Variants in KIF18A observed in about 807,000 individuals in gnomAD.
KIF18A encodes kinesin family member 18A.
A neutral mutation model predicts 103.3 loss-of-function variants in KIF18A; 67 were observed. The observed-to-expected ratio is 0.65, with a 90% CI of 0.53 to 0.79. KIF18A has a LOEUF of 0.79. KIF18A is among the 30% of genes least tolerant of loss of function. The pLI is 0.00. For synonymous variants in KIF18A, 367 were observed against 355.5 expected, an observed-to-expected ratio of 1.03 and a Z score of -0.36; for missense variants, 1,032 against 1,062.5, an observed-to-expected ratio of 0.97 and a Z score of 0.40.
In KIF18A at chr11:28,083,050, G is replaced by A. The variant is rs1045929931; in HGVS notation, c.1150-82C>T. 2.8e-6 allele frequency: 4 copies of A among 1,449,856 alleles called. No homozygotes were observed. In the African/African-American group the frequency reaches 4.4e-5, roughly 16 times the overall value. 89.8% of individuals were successfully genotyped at this position (1,449,856 alleles called of 1,614,324 possible). ...CCAAATTTAGCTGTAAAAAATAACT[G>A]AATTAACCAGATTTTAATTTTAATA... is the stretch of plus-strand genomic sequence containing the variant. On this transcript the variant is annotated intron_variant, in intron 8 of 16. Coordinates refer to ENST00000263181, the MANE Select transcript of KIF18A (RefSeq NM_031217.4).
At chr11:28,056,111 AAT>A (rs2133521119) in intron 13 of KIF18A, among the ~76,000 whole-genome samples, 1 of 151,904 alleles carries the variant, frequency 6.6e-6, no homozygotes, top group East Asian at 1.9e-4. Context: ...TTGTTCAGGG[AAT>A]AATGACCAAA....
At position 28,036,536 on chromosome 11, in the gene KIF18A, T is replaced by A. The variant is rs759894610; in HGVS notation, c.2077A>T (p.Asn693Tyr). 6.2e-7 allele frequency: 1 copy of A among 1,611,278 alleles called. No individual in the cohort carries two copies. The change falls in exon 14 of 17, where the codon AAT (asparagine) becomes TAT (tyrosine). Residue 693 changes from asparagine (N) to tyrosine (Y), a missense_variant. By Grantham distance (143) the Asn-to-Tyr change is moderately radical. Transcript: ENST00000263181. Reference sequence around the variant, plus strand: ...TGAAGTTCTTTGCTAAGAGAATCATTGAGCTGCACACTTTGAGATGGTGGA... The same window carrying A: ...TGAAGTTCTTTGCTAAGAGAATCATAGAGCTGCACACTTTGAGATGGTGGA... ...KSPPSQSVQL[N>Y]DSLSKELQPI...
At chr11:28,081,023 C>T (rs1207305053) in intron 9 of KIF18A, among the ~76,000 whole-genome samples, 1 of 152,096 alleles carries the variant, frequency 6.6e-6, no homozygotes, top group East Asian at 1.9e-4. Flanking sequence ...CCAGAGCAAG[C>T]CTTCTAAATC....
chr11:28,036,135 C>T, intron 14 of KIF18A, 82 bp downstream of exon 14: 1 of 829,198 alleles, frequency 1.2e-6, no homozygotes, highest in Non-Finnish European at 1.8e-6. Flanking sequence ...AAATGGCACA[C>T]TTGGTTTATG....
intron 16 of KIF18A, among the ~76,000 whole-genome samples, chr11:28,022,922 G>A (rs1013738982): frequency 6.6e-6 from 1 of 152,122 alleles, no homozygotes; most frequent in Admixed American, 6.6e-5. Context: ...TAGCTTTCAT[G>A]TTATCCTTAG....
chr11:28,031,103 C>A (rs1384502308), intron 15 of KIF18A, among the ~76,000 whole-genome samples: 6 of 152,030 alleles, frequency 3.9e-5, no homozygotes, highest in African/African-American at 1.2e-4. Flanking sequence ...ACTAGTTCAA[C>A]CATTGTGGAA....
chr11:28,106,220 A>G (rs965907504), intron 1 of KIF18A, among the ~76,000 whole-genome samples: 1 of 152,214 alleles, frequency 6.6e-6, no homozygotes, highest in African/African-American at 2.4e-5. Flanking sequence ...GTACAAATCT[A>G]AAGTCCATGT....
At chr11:28,025,504 T>C (rs1441188179) in intron 15 of KIF18A, among the ~76,000 whole-genome samples, 1 of 152,050 alleles carries the variant, frequency 6.6e-6, no homozygotes, top group Non-Finnish European at 1.5e-5. Flanking sequence ...TCCAGGACCC[T>C]ACTTTTTACT....
chr11:28,032,284 C>T (rs1850421114), intron 15 of KIF18A, among the ~76,000 whole-genome samples: 1 of 151,772 alleles, frequency 6.6e-6, no homozygotes, highest in African/African-American at 2.4e-5. Context: ...TTAAAATGTC[C>T]ACACTACTCA....
At chr11:28,081,313 T>A (rs188208739) in intron 9 of KIF18A, among the ~76,000 whole-genome samples, 1 of 152,246 alleles carries the variant, frequency 6.6e-6, no homozygotes, top group Admixed American at 6.5e-5. Flanking sequence ...GACCTTCATA[T>A]CTAGAGAGAA....
intron 10 of KIF18A, among the ~76,000 whole-genome samples, chr11:28,072,429 T>C (rs1590695539): frequency 6.6e-6 from 1 of 152,214 alleles, no homozygotes; most frequent in Admixed American, 6.5e-5. Flanking sequence ...ATCGATGTTA[T>C]GAGATTCTTT....
intron 1 of KIF18A, among the ~76,000 whole-genome samples, chr11:28,100,564 G>T (rs1187944007): frequency 6.6e-6 from 1 of 150,660 alleles, no homozygotes; most frequent in African/African-American, 2.4e-5. Flanking sequence ...TGAGTGAAGG[G>T]GGGGGGTGGT....
chr11:28,101,230 T>C (rs928203007), intron 1 of KIF18A, among the ~76,000 whole-genome samples: 2 of 152,142 alleles, frequency 1.3e-5, no homozygotes, highest in African/African-American at 2.4e-5. Flanking sequence ...CAGTGTCCCA[T>C]ATTCCTTGTG....
intron 10 of KIF18A, among the ~76,000 whole-genome samples, chr11:28,072,350 T>C (rs1851030089): frequency 6.6e-6 from 1 of 152,186 alleles, no homozygotes; most frequent in African/African-American, 2.4e-5. Flanking sequence ...TATGGGGTCA[T>C]GAAATTACCC....
intron 3 of KIF18A, among the ~76,000 whole-genome samples, chr11:28,092,491 C>T (rs552316964): frequency 6.6e-6 from 1 of 152,260 alleles, no homozygotes; most frequent in East Asian, 1.9e-4. Flanking sequence ...CTGCATCATA[C>T]TGAATACATA....
intron 11 of KIF18A, among the ~76,000 whole-genome samples, chr11:28,066,254 A>T (rs1331711423): frequency 6.6e-6 from 1 of 152,092 alleles, no homozygotes; most frequent in Non-Finnish European, 1.5e-5. Flanking sequence ...TACTGTCAAC[A>T]TTCCACACCT....
At chr11:28,071,566 C>T (rs770279729) in intron 10 of KIF18A, among the ~76,000 whole-genome samples, 1 of 150,252 alleles carries the variant, frequency 6.7e-6, no homozygotes, top group Non-Finnish European at 1.5e-5. Context: ...TGAATCAATG[C>T]ATAAATATAT....
chr11:28,087,710 T>C (rs1025475510), intron 6 of KIF18A, among the ~76,000 whole-genome samples: 1 of 152,198 alleles, frequency 6.6e-6, no homozygotes, highest in Non-Finnish European at 1.5e-5. Context: ...ACCAACAGTG[T>C]AAAAGTGTTC....
intron 3 of KIF18A, 54 bp downstream of exon 3, chr11:28,094,589 G>A: frequency 8.2e-7 from 1 of 1,223,506 alleles, no homozygotes; most frequent in Admixed American, 1.9e-5. Context: ...TCATTTGTAT[G>A]AATCATGTCA....
Sources: gnomAD v4.1 joint callset for allele counts (sites outside exome capture counted in the v4.1 genomes callset) on GRCh38, gnomAD v4.1.1 for gene constraint, MANE v1.5 for transcripts, NCBI Gene and HGNC (gene_info 2026-07-23, HGNC 2026-07-21) for gene names.